Variants in RSKR observed in about 807,000 individuals in gnomAD.
RSKR encodes ribosomal protein S6 kinase related.
RSKR carries 44 observed loss-of-function variants against 56.8 expected under a neutral mutation model. The observed-to-expected ratio is 0.77, with a 90% CI of 0.61 to 1.00. RSKR has a LOEUF of 1.00. Ranked by LOEUF, RSKR falls within the 50% of genes least tolerant of loss-of-function variation. The pLI, the probability that RSKR is intolerant of heterozygous loss-of-function variation, is 0.00. For missense variants in RSKR, 510 were observed against 506.9 expected, an observed-to-expected ratio of 1.01 and a Z score of -0.06; for synonymous variants, 181 against 188.0, an observed-to-expected ratio of 0.96 and a Z score of 0.30.
In RSKR at chr17:28,613,246, G is replaced by GT. The variant is rs777778934; in HGVS notation, c.408+15dup. 9 of 1,613,840 alleles carry GT rather than the reference G, an allele frequency of 5.6e-6. No individual in the cohort carries two copies. Among genetic ancestry groups the GT allele is most frequent in the East Asian group, 2.2e-5 (1 of 44,900 alleles). ...AAGATTGGAAACAGAGACTAATGTG[G>GT]TATCTACGCCCCTACCTTCACTGCA... On this transcript the variant is annotated intron_variant, in intron 3 of 11. Transcript: ENST00000301037.
Position 28,611,786 on chromosome 17 carries a change from T to C in RSKR, c.703A>G (p.Ile235Val). 3 of 1,614,220 alleles carry C rather than the reference T, an allele frequency of 1.9e-6. No homozygotes were observed. Among genetic ancestry groups the C allele is most frequent in the Non-Finnish European group, 2.5e-6 (3 of 1,180,026 alleles). ...GACTTACCTCGTTCATCTAGAAGAA[T>C]ATTCTCCATCTGAAAGATCACAGGT... ...IMHRDVKMENILLDERGHLKL... is the reference protein window; with the variant it reads ...IMHRDVKMENVLLDERGHLKL... The change falls in exon 8 of 12, where the codon ATT (isoleucine) becomes GTT (valine). Residue 235 changes from isoleucine (I) to valine (V), a missense_variant. Transcript: ENST00000301037.
rs2070779715 is a variant in RSKR, at chr17:28,609,071, C to T, written c.*1407G>A. ...TTTTTTTTTTTTTTTGAGACAGAGTCTACCTCTGTCACCCAGGAGTTCAAT... is the reference window on the plus strand; with the variant it reads ...TTTTTTTTTTTTTTTGAGACAGAGTTTACCTCTGTCACCCAGGAGTTCAAT... On this transcript the variant is annotated 3_prime_UTR_variant, in exon 12 of 12. Coordinates refer to ENST00000301037, the MANE Select transcript of RSKR (RefSeq NM_001174103.2). 9.3e-6 allele frequency: 1 copy of T among 107,294 alleles called. No homozygotes were observed. Among genetic ancestry groups the T allele is most frequent in the African/African-American group, 3.7e-5 (1 of 26,796 alleles). 6.6% of individuals were successfully genotyped at this position (107,294 alleles called of 1,614,324 possible). A position where few individuals can be genotyped will look rare whatever the true frequency, so the allele number is the denominator to read the frequency against.
chr17:28,609,890 A>G lies in RSKR; in HGVS notation c.*588T>C, dbSNP rs2070788604. ...CAACATGGTGAACCCTGTCTCTACT[A>G]AAAAATACAAAAATTAGCTGGGCAT... On this transcript the variant is annotated 3_prime_UTR_variant, in exon 12 of 12. Transcript: ENST00000301037. 6.6e-6 allele frequency: 1 copy of G among 152,080 alleles called. No individual in the cohort carries two copies. Among genetic ancestry groups the G allele is most frequent in the African/African-American group, 2.4e-5 (1 of 41,198 alleles). The allele number at this position is 152,080 out of a possible 1,614,324, so 9.4% of individuals were successfully genotyped here.
In RSKR at chr17:28,610,541, G is replaced by C. The variant is rs1197966461; in HGVS notation, c.1170C>G (p.Thr390=). ...TQATQPSSAE[T]MPFDDFDCDL... ...CACAGTCAAAGTCGTCAAAGGGCATGGTCTCCGCTGAACTGGGCTGGGTAG... is the reference window on the plus strand; with the variant it reads ...CACAGTCAAAGTCGTCAAAGGGCATCGTCTCCGCTGAACTGGGCTGGGTAG... The change falls in exon 12 of 12, where the codon ACC becomes ACG. Residue 390 remains threonine, a synonymous_variant. Coordinates refer to ENST00000301037, the MANE Select transcript of RSKR (RefSeq NM_001174103.2). The C allele has an allele frequency of 1.3e-6, 2 of 1,536,098 alleles. No homozygotes were observed. Among genetic ancestry groups the C allele is most frequent in the East Asian group, 4.9e-5 (2 of 40,898 alleles).
At chr17:28,613,720 T>G (rs761187774) in intron 1 of RSKR, 32 bp from the exon 2 acceptor site, 5 of 1,611,694 alleles carry the variant, frequency 3.1e-6, no homozygotes, top group Admixed American at 1.7e-5. Context: ...CTAAACTTTC[T>G]GCTCCTGAGG....
chr17:28,612,699 G>T lies in RSKR; in HGVS notation c.478-12C>A, dbSNP rs1208667543. The T allele has an allele frequency of 6.2e-7, 1 of 1,614,014 alleles. No homozygotes were observed. Among genetic ancestry groups the T allele is most frequent in the East Asian group, 2.2e-5 (1 of 44,874 alleles). On this transcript the variant is annotated splice_polypyrimidine_tract_variant and intron_variant, in intron 4 of 11. Transcript: ENST00000301037. ...TGGTTGATCTGTCGCTAGGAACAAA[G>T]AAAACAGGAAGTTAGGGAGGAACAG...
chr17:28,609,032 C>CTTTTTTTT lies in RSKR; in HGVS notation c.*1438_*1445dup, dbSNP rs749382342. The CTTTTTTTT allele has an allele frequency of 5.3e-5, 5 of 93,632 alleles. No homozygotes were observed. Among genetic ancestry groups the CTTTTTTTT allele is most frequent in the African/African-American group, 9.6e-5 (2 of 20,800 alleles). The allele number at this position is 93,632 out of a possible 1,614,324, so 5.8% of individuals were successfully genotyped here. On this transcript the variant is annotated 3_prime_UTR_variant, in exon 12 of 12. Transcript: ENST00000301037. ...TTGAGATATGTCTCTAACCTTAAAT[C>CTTTTTTTT]TTTTTTTTTTTTTTTTTTTTTTTTT...
In RSKR at chr17:28,610,325, T is replaced by C; in HGVS notation, c.*153A>G. 1 of 675,948 alleles carries C rather than the reference T, an allele frequency of 1.5e-6. No homozygotes were observed. The highest frequency in any genetic ancestry group is 1.9e-5 in the South Asian group (1 of 51,992). 41.9% of individuals were successfully genotyped at this position (675,948 alleles called of 1,614,324 possible). A position where few individuals can be genotyped will look rare whatever the true frequency, so the allele number is the denominator to read the frequency against. On this transcript the variant is annotated 3_prime_UTR_variant, in exon 12 of 12. Coordinates refer to ENST00000301037, the MANE Select transcript of RSKR (RefSeq NM_001174103.2). ...AGCTGTGGCTGCCAGTAGCAGAATGTCCAGGTTGGAACTCTGGTCTAAAGC... is the reference window on the plus strand; with the variant it reads ...AGCTGTGGCTGCCAGTAGCAGAATGCCCAGGTTGGAACTCTGGTCTAAAGC...
chr17:28,612,213 C>T, intron 6 of RSKR, 49 bp downstream of exon 6: 1 of 1,602,740 alleles, frequency 6.2e-7, no homozygotes, highest in Non-Finnish European at 8.5e-7. Context: ...TCTCCTTCTT[C>T]CGAACTTAAA....
intron 1 of RSKR, 181 bp from the exon 2 acceptor site, chr17:28,613,869 A>T: frequency 9.5e-7 from 1 of 1,048,424 alleles, no homozygotes; most frequent in Non-Finnish European, 1.3e-6. Context: ...CACAATTCAA[A>T]TCCTCTAGGA....
chr17:28,610,431 G>A lies in RSKR; in HGVS notation c.*47C>T, dbSNP rs1353219584. On this transcript the variant is annotated 3_prime_UTR_variant, in exon 12 of 12. Transcript: ENST00000301037. ...GTGGTCATACTGAGTAGGCAGGGATGGAGATCTTCAGGCTCCCAGCCGGGC... is the reference window on the plus strand; with the variant it reads ...GTGGTCATACTGAGTAGGCAGGGATAGAGATCTTCAGGCTCCCAGCCGGGC... 3 of 1,480,796 alleles carry A rather than the reference G, an allele frequency of 2.0e-6. No homozygotes were observed. The highest frequency in any genetic ancestry group is 2.7e-6 in the Non-Finnish European group (3 of 1,097,408). 91.7% of individuals were successfully genotyped at this position (1,480,796 alleles called of 1,614,324 possible).
chr17:28,612,313 A>T lies in RSKR; in HGVS notation c.601T>A (p.Phe201Ile). ...AAGAGACGGATGGAAGCCTCAGGAA[A>T]GCAGCCAACAGCCGACCAAAGGGAG... is the stretch of plus-strand genomic sequence containing the variant. ...LYSLWSAVGCFPEASIRLFAA... is the reference protein window; with the variant it reads ...LYSLWSAVGCIPEASIRLFAA... The change falls in exon 6 of 12, where the codon TTT (phenylalanine) becomes ATT (isoleucine). Residue 201 changes from phenylalanine (F) to isoleucine (I), a missense_variant. Transcript: ENST00000301037. The T allele has an allele frequency of 1.9e-6, 3 of 1,614,226 alleles. No homozygotes were observed. The highest frequency in any genetic ancestry group is 2.5e-6 in the Non-Finnish European group (3 of 1,180,048).
chr17:28,612,172 T>G, intron 6 of RSKR, 88 bp from the exon 7 acceptor site: 1 of 1,584,350 alleles, frequency 6.3e-7, no homozygotes, highest in Non-Finnish European at 8.7e-7. Context: ...ATCCTATTCT[T>G]TAACTTCCAT....
intron 1 of RSKR, 126 bp downstream of exon 1, chr17:28,613,961 A>T: frequency 7.8e-7 from 1 of 1,275,660 alleles, no homozygotes; most frequent in Admixed American, 2.0e-5. Context: ...CTTTCATAGT[A>T]CAGCCTCCCT....
In RSKR at chr17:28,612,071, G is replaced by A; in HGVS notation, c.666C>T (p.Asp222=). 1 of 1,614,198 alleles carries A rather than the reference G, an allele frequency of 6.2e-7. No homozygotes were observed. Among genetic ancestry groups the A allele is most frequent in the Non-Finnish European group, 8.5e-7 (1 of 1,180,028 alleles). Residue 222 remains aspartate, a synonymous_variant, in exon 7 of 12, where the codon GAC becomes GAT. Coordinates refer to ENST00000301037, the MANE Select transcript of RSKR (RefSeq NM_001174103.2). ...TCACATCTCGATGCATGATGCCCAA[G>A]TCATGGAGATAACCTGTGGATAACA... The part of the protein sequence containing the change: ...ELVLVLCYLH[D]LGIMHRDVKM...
At position 28,613,491 on chromosome 17, in the gene RSKR, G is replaced by C. The variant is rs1375044107; in HGVS notation, c.273C>G (p.Leu91=). ...GCCTAATGGGAAACTCTGGTAGAAA[G>C]AGGTTGATGAACTGAGGCACTGGCC... is the stretch of plus-strand genomic sequence containing the variant. ...PEWPVPQFIN[L]FLPEFPIRPI... is the part of the protein sequence containing the mutation. Residue 91 remains leucine, a synonymous_variant, in exon 2 of 12, where the codon CTC becomes CTG. Transcript: ENST00000301037. 3.1e-6 allele frequency: 5 copies of C among 1,614,114 alleles called. No individual in the cohort carries two copies. The African/African-American group carries it at 5.3e-5, about 17-fold the overall frequency.
chr17:28,611,191 A>G lies in RSKR; in HGVS notation c.963T>C (p.Ser321=). The change falls in exon 11 of 12, where the codon TCT becomes TCC. Residue 321 remains serine (S), a synonymous_variant. Coordinates refer to ENST00000301037, the MANE Select transcript of RSKR (RefSeq NM_001174103.2). ...CCTGGTTAAGAGAAGCTGGGATCTCAGAGTCACTGTGGGTCACACTTGCCA... is the reference window on the plus strand; with the variant it reads ...CCTGGTTAAGAGAAGCTGGGATCTCGGAGTCACTGTGGGTCACACTTGCCA... ...AMLASVTHSD[S]EIPASLNQGL... is the part of the protein sequence containing the mutation. 2 of 1,536,364 alleles carry G rather than the reference A, an allele frequency of 1.3e-6. No individual in the cohort carries two copies. Among genetic ancestry groups the G allele is most frequent in the Non-Finnish European group, 1.7e-6 (2 of 1,146,900 alleles).
Position 28,608,691 on chromosome 17 carries a change from AC to A in RSKR, c.*1786del, listed in dbSNP as rs1206528877. The A allele has an allele frequency of 1.3e-5, 2 of 152,196 alleles. No individual in the cohort carries two copies. Among genetic ancestry groups the A allele is most frequent in the Non-Finnish European group, 2.9e-5 (2 of 68,032 alleles). 9.4% of individuals were successfully genotyped at this position (152,196 alleles called of 1,614,324 possible). A position where few individuals can be genotyped will look rare whatever the true frequency, so the allele number is the denominator to read the frequency against. ...TTTCATAGAGATTTTCATATGGATT[AC>A]CAAAGTCCAATCCAGAAAAAGCAAT... On this transcript the variant is annotated 3_prime_UTR_variant, in exon 12 of 12. Coordinates refer to ENST00000301037, the MANE Select transcript of RSKR (RefSeq NM_001174103.2).
chr17:28,610,717 A>G lies in RSKR; in HGVS notation c.1012-18T>C, dbSNP rs2070800779. On this transcript the variant is annotated intron_variant, in intron 11 of 11. Coordinates refer to ENST00000301037, the MANE Select transcript of RSKR (RefSeq NM_001174103.2). ...CATAAGAGCTGAAGGAAAATAGAGC[A>G]TGAAGGATGAGTGACTAGGACAGGA... 1 of 1,534,304 alleles carries G rather than the reference A, an allele frequency of 6.5e-7. No individual in the cohort carries two copies. Among genetic ancestry groups the G allele is most frequent in the East Asian group, 2.4e-5 (1 of 40,914 alleles).
Sources: allele counts gnomAD v4.1 joint callset, GRCh38; gene constraint gnomAD v4.1.1; transcripts MANE v1.5; gene names NCBI Gene and HGNC (gene_info 2026-07-23, HGNC 2026-07-21).